Variants in MBOAT4 observed in about 807,000 individuals in gnomAD.
The protein encoded by MBOAT4 is membrane bound ghrelin O-acyltransferase MBOAT4.
Under a neutral mutation model 13.2 loss-of-function variants are expected in MBOAT4, and 11 were observed. The observed-to-expected ratio is 0.84, with a 90% CI of 0.53 to 1.38. The LOEUF (loss-of-function observed/expected upper bound fraction) is 1.38, where lower values mean the gene tolerates loss of function less well. Ranked by LOEUF, MBOAT4 falls within the 40% of genes most tolerant of loss-of-function variation. The probability of loss-of-function intolerance (pLI) is 0.00; values close to 1 mark genes in which losing one functional copy is unlikely to be tolerated. For missense variants in MBOAT4, 481 were observed against 527.2 expected (o/e 0.91, Z 0.86); for synonymous variants, 202 against 210.3 (o/e 0.96, Z 0.34).
chr8:30,144,215 A>G (rs779193091), intron 1 of MBOAT4, among the ~76,000 whole-genome samples: 1 of 151,770 alleles, frequency 6.6e-6, no homozygotes, highest in East Asian at 1.9e-4. Context: ...GCTCACTGCA[A>G]CCTCCACCTC....
chr8:30,144,450 G>A, intron 1 of MBOAT4, 33 bp downstream of exon 1: 1 of 1,444,564 alleles, frequency 6.9e-7, no homozygotes, highest in Non-Finnish European at 9.5e-7. Context: ...TAGTATTTCT[G>A]GATGTAAGAG....
intron 2 of MBOAT4, 25 bp from the exon 3 acceptor site, chr8:30,132,931 A>G (rs969751946): frequency 6.7e-7 from 1 of 1,484,380 alleles, no homozygotes; most frequent in Non-Finnish European, 8.9e-7. Flanking sequence ...TTTAAAGAAC[A>G]TAAAAACACT....
At chr8:30,138,865 T>C (rs1585487336) in intron 1 of MBOAT4, 109 bp from the exon 2 acceptor site, 1 of 753,608 alleles carries the variant, frequency 1.3e-6, no homozygotes, top group Non-Finnish European at 2.2e-6. Context: ...ACACAACACC[T>C]AAAGTAGCCA....
intron 2 of MBOAT4, among the ~76,000 whole-genome samples, chr8:30,136,110 C>A (rs1182612979): frequency 1.3e-5 from 2 of 152,174 alleles, no homozygotes; most frequent in African/African-American, 4.8e-5. Context: ...CCAAACCCTG[C>A]TCATTCACTC....
chr8:30,131,885 C>T lies in MBOAT4; in HGVS notation c.*58G>A. 1 of 1,485,394 alleles carries T rather than the reference C, an allele frequency of 6.7e-7. No individual in the cohort carries two copies. The highest frequency in any genetic ancestry group is 9.0e-7 in the Non-Finnish European group (1 of 1,116,330). 92.0% of individuals were successfully genotyped at this position (1,485,394 alleles called of 1,614,324 possible). A position where few individuals can be genotyped will look rare whatever the true frequency, so the allele number is the denominator to read the frequency against. On this transcript the variant is annotated 3_prime_UTR_variant, in exon 3 of 3. Coordinates refer to ENST00000320542, the MANE Select transcript of MBOAT4 (RefSeq NM_001100916.2). The stretch of plus-strand genomic sequence containing the variant: ...TCAAATGTATGCATTATCGATGCGT[C>T]ATCTGGCACTTTCTAAAATGTTTCC...
chr8:30,142,875 G>A (rs1289956409), intron 1 of MBOAT4, among the ~76,000 whole-genome samples: 1 of 152,112 alleles, frequency 6.6e-6, no homozygotes, highest in African/African-American at 2.4e-5. Context: ...CTAACTGATC[G>A]TTAGATACAG....
intron 1 of MBOAT4, among the ~76,000 whole-genome samples, chr8:30,143,073 C>T (rs1282320937): frequency 6.6e-6 from 1 of 152,170 alleles, no homozygotes; most frequent in Non-Finnish European, 1.5e-5. Flanking sequence ...TGCTCACTAC[C>T]TGGGTGATGG....
intron 2 of MBOAT4, chr8:30,137,272 A>G (rs1329361834): frequency 6.4e-7 from 1 of 1,551,138 alleles, no homozygotes. Context: ...TGTTTTCTAG[A>G]TGGGGCGCCT....
chr8:30,144,458 G>A (rs2117554742), intron 1 of MBOAT4, 25 bp downstream of exon 1: 2 of 1,464,176 alleles, frequency 1.4e-6, no homozygotes, highest in Non-Finnish European at 1.9e-6. Flanking sequence ...CTGGATGTAA[G>A]AGTAAAAATA....
At position 30,131,988 on chromosome 8, in the gene MBOAT4, A is replaced by G. The variant is rs141320725; in HGVS notation, c.1263T>C (p.Cys421=). 1 of 1,552,048 alleles carries G rather than the reference A, an allele frequency of 6.4e-7. No individual in the cohort carries two copies. Among genetic ancestry groups the G allele is most frequent in the South Asian group, 1.2e-5 (1 of 84,056 alleles). Reference sequence around the variant, plus strand: ...TCTTCGCCAATAGCAAAAGCAGAATACAGTACACCATGGGAAAGACACTGT... The same window carrying G: ...TCTTCGCCAATAGCAAAAGCAGAATGCAGTACACCATGGGAAAGACACTGT... ...SYNSVFPMVY[C]ILLLLLAKRK... Residue 421 remains cysteine (C), a synonymous_variant, in exon 3 of 3, where the codon TGT becomes TGC. Coordinates refer to ENST00000320542, the MANE Select transcript of MBOAT4 (RefSeq NM_001100916.2).
chr8:30,138,718 A>T lies in MBOAT4; in HGVS notation c.158T>A (p.Val53Glu), dbSNP rs1361617391. Residue 53 changes from valine (V) to glutamate (E), a missense_variant, in exon 2 of 3, where the codon GTG becomes GAG. By Grantham distance (121) the Val-to-Glu change is moderately radical (BLOSUM62 -2). Coordinates refer to ENST00000320542, the MANE Select transcript of MBOAT4 (RefSeq NM_001100916.2). Reference sequence around the variant, plus strand: ...CACGGCGTAGGAACCCATGGCAGCCACGGCCAGGGCACCTCCTCCAGTCAG... The same window carrying T: ...CACGGCGTAGGAACCCATGGCAGCCTCGGCCAGGGCACCTCCTCCAGTCAG... Reference protein sequence around the residue: ...FLLTGGGALAVAAMGSYAVLV... With the variant: ...FLLTGGGALAEAAMGSYAVLV... The T allele has an allele frequency of 4.5e-6, 7 of 1,550,110 alleles. No homozygotes were observed. The highest frequency in any genetic ancestry group is 6.1e-6 in the Non-Finnish European group (7 of 1,146,974).
chr8:30,133,786 C>CT (rs1803077746), intron 2 of MBOAT4, among the ~76,000 whole-genome samples: 1 of 30,318 alleles, frequency 3.3e-5, no homozygotes, highest in Non-Finnish European at 8.3e-5. Flanking sequence ...GAGACCCTGT[C>CT]TCAAAAAAAA....
chr8:30,131,733 C>T lies in MBOAT4; in HGVS notation c.*210G>A. ...CTGTAAACCTTAAGGGAAGAAACCACATCTTTTTCCTTTTTGTATCCTCAG... is the reference window on the plus strand; with the variant it reads ...CTGTAAACCTTAAGGGAAGAAACCATATCTTTTTCCTTTTTGTATCCTCAG... On this transcript the variant is annotated 3_prime_UTR_variant, in exon 3 of 3. Coordinates refer to ENST00000320542, the MANE Select transcript of MBOAT4 (RefSeq NM_001100916.2). 7.8e-6 allele frequency: 4 copies of T among 513,750 alleles called. No individual in the cohort carries two copies. The highest frequency in any genetic ancestry group is 2.3e-5 in the South Asian group (1 of 43,356). 31.8% of individuals were successfully genotyped at this position (513,750 alleles called of 1,614,324 possible). A position where few individuals can be genotyped will look rare whatever the true frequency, so the allele number is the denominator to read the frequency against.
rs555690515 is a variant in MBOAT4, at chr8:30,141,012, A to G, written c.120-2256T>C. 4.2e-3 allele frequency among the ~76,000 whole-genome samples: 643 copies of G among 151,540 alleles called. 4 individuals are homozygous for G. Among genetic ancestry groups the G allele is most frequent in the South Asian group, 0.033 (159 of 4,800 alleles). On this transcript the variant is annotated intron_variant, in intron 1 of 2. Transcript: ENST00000320542. ...ACCACCATACCTGGCTAATTTTTTT[A>G]ATATTTTTTGTAGAGATGGGGATTT...
At chr8:30,142,570 C>T (rs1803280022) in intron 1 of MBOAT4, among the ~76,000 whole-genome samples, 1 of 152,054 alleles carries the variant, frequency 6.6e-6, no homozygotes, top group Admixed American at 6.5e-5. Context: ...GTTGCCCGGG[C>T]AGGTCTCAAA....
chr8:30,143,222 C>T (rs1454693541), intron 1 of MBOAT4, among the ~76,000 whole-genome samples: 1 of 151,954 alleles, frequency 6.6e-6, no homozygotes, highest in Non-Finnish European at 1.5e-5. Context: ...GTGGTGTGCA[C>T]CTATAGTCCC....
At position 30,136,730 on chromosome 8, in the gene MBOAT4, C is replaced by CTTTTTT. The variant is rs11390350; in HGVS notation, c.344+1796_344+1801dup. ...GGTGAAAATAGTCTCTCCCCCCGAA[C>CTTTTTT]TTTTTTTTTTTTTTTTGAGACAGTG... On this transcript the variant is annotated intron_variant, in intron 2 of 2. Coordinates refer to ENST00000320542, the MANE Select transcript of MBOAT4 (RefSeq NM_001100916.2). Among the ~76,000 whole-genome samples, 2 of 143,788 alleles carry CTTTTTT rather than the reference C, an allele frequency of 1.4e-5. 1 individual carries two copies. The allele number at this position is 143,788 out of a possible 152,430, so 94.3% of individuals were successfully genotyped here.
Position 30,131,711 on chromosome 8 carries a change from T to C in MBOAT4, c.*232A>G. On this transcript the variant is annotated 3_prime_UTR_variant, in exon 3 of 3. Transcript: ENST00000320542. ...AATCTTTGCTTCCACATCTAGACTG[T>C]AAACCTTAAGGGAAGAAACCACATC... 4.5e-6 allele frequency: 2 copies of C among 441,964 alleles called. No individual in the cohort carries two copies. Among genetic ancestry groups the C allele is most frequent in the Non-Finnish European group, 8.1e-6 (2 of 247,872 alleles). 27.4% of individuals were successfully genotyped at this position (441,964 alleles called of 1,614,324 possible).
At chr8:30,137,389 A>G in intron 2 of MBOAT4, 1 of 1,551,698 alleles carries the variant, frequency 6.4e-7, no homozygotes. Context: ...ACCTGCAAGC[A>G]GAGTGTCCAC....
Sources: gnomAD v4.1 joint callset for allele counts (sites outside exome capture counted in the v4.1 genomes callset) on GRCh38, gnomAD v4.1.1 for gene constraint, MANE v1.5 for transcripts, NCBI Gene and HGNC (gene_info 2026-07-23, HGNC 2026-07-21) for gene names.